The following EXT1 variants were observed in gnomAD, a reference collection of about 807,000 sequenced individuals.
EXT1 encodes the protein exostosin-1.
A neutral mutation model predicts 82.5 loss-of-function variants in EXT1; 20 were observed. The observed-to-expected ratio is 0.24, with a 90% confidence interval of 0.17 to 0.35. EXT1 has a LOEUF of 0.35. Ranked by LOEUF, EXT1 falls within the 10% of genes least tolerant of loss-of-function variation. The pLI is 1.00. For synonymous variants in EXT1, 348 were observed against 350.8 expected (o/e 0.99, Z 0.09); for missense variants, 757 against 936.5 (o/e 0.81, Z 2.50).
chr8:117,968,290 G>A (rs2129733914), intron 1 of EXT1, among the ~76,000 whole-genome samples: 1 of 151,916 alleles, frequency 6.6e-6, no homozygotes, highest in South Asian at 2.1e-4. Flanking sequence ...GAAATTTTTA[G>A]TAGTTTTTTG....
intron 7 of EXT1, 49 bp from the exon 8 acceptor site, chr8:117,813,010 T>A (rs1586993241): frequency 3.9e-6 from 5 of 1,289,510 alleles, no homozygotes; most frequent in South Asian, 3.7e-5. Flanking sequence ...GGGAAAGAGG[T>A]AACTTCAGAG....
chr8:117,865,075 C>T (rs1812752850), intron 1 of EXT1, among the ~76,000 whole-genome samples: 1 of 152,142 alleles, frequency 6.6e-6, no homozygotes. Flanking sequence ...AGCTGACTGA[C>T]TCCATACAAA....
At chr8:117,987,480 T>C (rs1397589146) in intron 1 of EXT1, among the ~76,000 whole-genome samples, 1 of 152,212 alleles carries the variant, frequency 6.6e-6, no homozygotes, top group Non-Finnish European at 1.5e-5. Flanking sequence ...TGCAGGCACT[T>C]CGTGGCTCAC....
chr8:118,026,878 G>T (rs967670241), intron 1 of EXT1, among the ~76,000 whole-genome samples: 1 of 152,216 alleles, frequency 6.6e-6, no homozygotes, highest in African/African-American at 2.4e-5. Context: ...ACAAAACAGA[G>T]TCTTCTCAGG....
In EXT1 at chr8:117,864,605, G is replaced by A. The variant is rs565822550; in HGVS notation, c.963-27404C>T. Among the ~76,000 whole-genome samples the A allele has an allele frequency of 6.6e-5, 10 of 152,194 alleles. No homozygotes were observed. The South Asian group carries it at 1.5e-3, about 22-fold the overall frequency. On this transcript the variant is annotated intron_variant, in intron 1 of 10. Transcript: ENST00000378204. Reference sequence around the variant, plus strand: ...TCTACTAAAAATACAAAAAATTAGCGGGGCATGGTGGGGTGTGCCTGCAGT... The same window carrying A: ...TCTACTAAAAATACAAAAAATTAGCAGGGCATGGTGGGGTGTGCCTGCAGT...
chr8:118,076,521 C>T (rs149317723), intron 1 of EXT1, among the ~76,000 whole-genome samples: 54 of 152,314 alleles, frequency 3.5e-4, no homozygotes, highest in African/African-American at 1.2e-3. Context: ...CCCCTCTCCC[C>T]GTAGAACACC....
chr8:118,028,007 G>A (rs1484478381), intron 1 of EXT1, among the ~76,000 whole-genome samples: 1 of 152,148 alleles, frequency 6.6e-6, no homozygotes, highest in African/African-American at 2.4e-5. Flanking sequence ...ATTACAGTGG[G>A]AATTAATGGT....
intron 1 of EXT1, among the ~76,000 whole-genome samples, chr8:117,875,334 C>T (rs1301506730): frequency 1.3e-5 from 2 of 151,980 alleles, no homozygotes; most frequent in African/African-American, 4.8e-5. Flanking sequence ...GGCAGGAGAA[C>T]CGCTTGAACC....
At chr8:117,836,733 G>C (rs766104333) in intron 2 of EXT1, among the ~76,000 whole-genome samples, 11 of 152,190 alleles carry the variant, frequency 7.2e-5, no homozygotes, top group Non-Finnish European at 1.5e-4. Flanking sequence ...GGAACTGAGA[G>C]ACAATGAAGA....
At chr8:118,005,188 A>C (rs1815748174) in intron 1 of EXT1, among the ~76,000 whole-genome samples, 1 of 152,196 alleles carries the variant, frequency 6.6e-6, no homozygotes, top group African/African-American at 2.4e-5. Context: ...AGAGACCATC[A>C]CATGCTTAAT....
Position 118,040,461 on chromosome 8 carries a change from A to G in EXT1, c.962+69624T>C, listed in dbSNP as rs75513345. Among the ~76,000 whole-genome samples, 431 of 152,264 alleles carry G rather than the reference A, an allele frequency of 2.8e-3. 2 individuals are homozygous for G. The highest frequency in any genetic ancestry group is 9.9e-3 in the African/African-American group (413 of 41,554). ...TTTTTGCCTTGCTTCCATAAATTGGATAGCAAACCTACTGGGCCAGTGTCA... is the reference window on the plus strand; with the variant it reads ...TTTTTGCCTTGCTTCCATAAATTGGGTAGCAAACCTACTGGGCCAGTGTCA... On this transcript the variant is annotated intron_variant, in intron 1 of 10. Transcript: ENST00000378204.
intron 1 of EXT1, among the ~76,000 whole-genome samples, chr8:117,937,855 T>C (rs1357045770): frequency 3.3e-5 from 5 of 152,184 alleles, no homozygotes; most frequent in Admixed American, 3.3e-4. Flanking sequence ...ATTATGACAA[T>C]TGCTTCCTGT....
At chr8:117,920,657 T>G (rs1009609576) in intron 1 of EXT1, among the ~76,000 whole-genome samples, 1 of 152,182 alleles carries the variant, frequency 6.6e-6, no homozygotes, top group Non-Finnish European at 1.5e-5. Flanking sequence ...ACACGACCAA[T>G]ACGCCTTACA....
At chr8:118,067,631 T>C (rs1284776207) in intron 1 of EXT1, among the ~76,000 whole-genome samples, 1 of 152,234 alleles carries the variant, frequency 6.6e-6, no homozygotes, top group African/African-American at 2.4e-5. Context: ...TCAATACTAA[T>C]TGGAAGTTGC....
At chr8:117,952,577 C>T (rs2129698088) in intron 1 of EXT1, among the ~76,000 whole-genome samples, 1 of 152,284 alleles carries the variant, frequency 6.6e-6, no homozygotes, top group East Asian at 1.9e-4. Flanking sequence ...GCTTGGCCAA[C>T]ATGATGAAAT....
At chr8:118,068,124 AGGTT>A (rs1372768466) in intron 1 of EXT1, among the ~76,000 whole-genome samples, 1 of 152,240 alleles carries the variant, frequency 6.6e-6, no homozygotes, top group African/African-American at 2.4e-5. Context: ...ACTGCTAAGC[AGGTT>A]GGTTCGGCAA....
At chr8:117,946,219 G>A (rs187672848) in intron 1 of EXT1, among the ~76,000 whole-genome samples, 1 of 152,298 alleles carries the variant, frequency 6.6e-6, no homozygotes, top group Admixed American at 6.5e-5. Context: ...TATTATGGAT[G>A]AGGAAACTGT....
intron 1 of EXT1, among the ~76,000 whole-genome samples, chr8:118,075,316 T>C (rs1248281113): frequency 6.6e-6 from 1 of 152,150 alleles, no homozygotes; most frequent in Admixed American, 6.5e-5. Context: ...ACCTTGACCG[T>C]GTTGTGTCTC....
At chr8:117,982,455 TC>T (rs1815229592) in intron 1 of EXT1, among the ~76,000 whole-genome samples, 1 of 152,160 alleles carries the variant, frequency 6.6e-6, no homozygotes, top group African/African-American at 2.4e-5. Context: ...TAAGATAATC[TC>T]CCTATTTTAA....
Sources: gnomAD v4.1 joint callset for allele counts (sites outside exome capture counted in the v4.1 genomes callset) on GRCh38, gnomAD v4.1.1 for gene constraint, MANE v1.5 for transcripts, NCBI Gene and HGNC (gene_info 2026-07-23, HGNC 2026-07-21) for gene names.